The following TPX2 variants were observed in gnomAD, a reference collection of about 807,000 sequenced individuals.
TPX2 encodes TPX2 microtubule nucleation factor.
A neutral mutation model predicts 93.6 loss-of-function variants in TPX2; 21 were observed. The ratio of observed to expected loss-of-function variants is 0.22; its 90% CI spans 0.16 to 0.32. The LOEUF is 0.32. Ranked by LOEUF, TPX2 falls within the 10% of genes least tolerant of loss-of-function variation. TPX2 has a pLI of 1.00. For synonymous variants in TPX2, 281 were observed against 298.3 expected (o/e 0.94, Z 0.60); for missense variants, 776 against 871.1 (o/e 0.89, Z 1.37).
chr20:31,749,225 C>T (rs923711166), intron 2 of TPX2, among the ~76,000 whole-genome samples: 2 of 152,118 alleles, frequency 1.3e-5, no homozygotes, highest in Non-Finnish European at 1.5e-5. Context: ...GGATTACAGG[C>T]GTGAGCCACC....
chr20:31,792,570 G>T (rs1261295024), intron 12 of TPX2, among the ~76,000 whole-genome samples, 165 bp from the exon 13 acceptor site: 1 of 151,946 alleles, frequency 6.6e-6, no homozygotes, highest in Non-Finnish European at 1.5e-5. Flanking sequence ...CCAGCACTTT[G>T]CGAGGCCAAG....
rs2062144424 is a variant in TPX2 at position 31,797,272 on chromosome 20, T to C, written c.1834-132T>C. 7.9e-6 allele frequency: 6 copies of C among 764,324 alleles called. No homozygotes were observed. The East Asian group carries it at 1.6e-4, about 20-fold the overall frequency. 47.3% of individuals were successfully genotyped at this position (764,324 alleles called of 1,614,324 possible). The stretch of plus-strand genomic sequence containing the variant: ...TTCATTGTAAAGTTTGTGTGAAAGA[T>C]TTTTACTAGGGTTTATATTAAATCT... On this transcript the variant is annotated intron_variant, in intron 15 of 17. Coordinates refer to ENST00000300403, the MANE Select transcript of TPX2 (RefSeq NM_012112.5).
Position 31,739,487 on chromosome 20 carries a change from C to G in TPX2, c.-312C>G, listed in dbSNP as rs1328113209. On this transcript the variant is annotated 5_prime_UTR_variant, in exon 1 of 18. Transcript: ENST00000300403. ...TGGCTTCTGAGGCGGTTGCGGTGCTCGGTCGCCGCCTAGGCGGGGCAGGGT... is the reference window on the plus strand; with the variant it reads ...TGGCTTCTGAGGCGGTTGCGGTGCTGGGTCGCCGCCTAGGCGGGGCAGGGT... 2.0e-5 allele frequency: 3 copies of G among 152,248 alleles called. No individual in the cohort carries two copies. The highest frequency in any genetic ancestry group is 2.9e-5 in the Non-Finnish European group (2 of 68,078). 9.4% of individuals were successfully genotyped at this position (152,248 alleles called of 1,614,324 possible).
In TPX2 at chr20:31,783,730, G is replaced by T. The variant is rs762641961; in HGVS notation, c.1222G>T (p.Asp408Tyr). ...QQYKFKAREL[D>Y]PRILEGGPIL... ...ATACAAATTCAAAGCACGTGAACTT[G>T]ATCCCAGAATACTTGAAGGTGGGCC... The change falls in exon 12 of 18, where the codon GAT becomes TAT. Residue 408 changes from aspartate (D) to tyrosine (Y), a missense_variant. Coordinates refer to ENST00000300403, the MANE Select transcript of TPX2 (RefSeq NM_012112.5). The T allele has an allele frequency of 1.2e-6, 2 of 1,607,532 alleles. No individual in the cohort carries two copies. The highest frequency in any genetic ancestry group is 1.7e-6 in the Non-Finnish European group (2 of 1,178,618).
At chr20:31,746,075 A>G (rs908289856) in intron 2 of TPX2, among the ~76,000 whole-genome samples, 2 of 152,350 alleles carry the variant, frequency 1.3e-5, no homozygotes, top group African/African-American at 2.4e-5. Context: ...ACAAGTGTCC[A>G]TGTGTCCTGT....
At chr20:31,772,473 C>G (rs1165283799) in intron 7 of TPX2, among the ~76,000 whole-genome samples, 1 of 152,134 alleles carries the variant, frequency 6.6e-6, no homozygotes, top group East Asian at 1.9e-4. Flanking sequence ...GTGCTCAGAT[C>G]TTGAACAGTC....
chr20:31,750,073 G>A (rs2061809271), intron 2 of TPX2, among the ~76,000 whole-genome samples: 1 of 151,780 alleles, frequency 6.6e-6, no homozygotes, highest in Non-Finnish European at 1.5e-5. Context: ...GAGTAGCTGG[G>A]ACTACAGGCG....
chr20:31,770,251 T>C (rs2061956868), intron 5 of TPX2, 92 bp from the exon 6 acceptor site: 1 of 890,480 alleles, frequency 1.1e-6, no homozygotes, highest in African/African-American at 1.7e-5. Flanking sequence ...TATTGCCCTT[T>C]GTAGTTTGAC....
chr20:31,767,504 C>T (rs2061935463), intron 5 of TPX2, among the ~76,000 whole-genome samples: 1 of 152,050 alleles, frequency 6.6e-6, no homozygotes, highest in Non-Finnish European at 1.5e-5. Flanking sequence ...TCCCAAAGTG[C>T]TGAGACTATA....
At chr20:31,794,172 AAAT>A in intron 14 of TPX2, 148 bp downstream of exon 14, 1 of 1,092,332 alleles carries the variant, frequency 9.2e-7, no homozygotes, top group Non-Finnish European at 1.3e-6. Flanking sequence ...CAAGTAATTT[AAAT>A]AATCCTTCTG....
intron 17 of TPX2, among the ~76,000 whole-genome samples, chr20:31,798,877 A>G (rs1283935377): frequency 6.6e-6 from 1 of 152,246 alleles, no homozygotes; most frequent in Non-Finnish European, 1.5e-5. Flanking sequence ...GAATTTTTAG[A>G]CAGAATTTCT....
At chr20:31,789,155 C>A (rs2062085036) in intron 12 of TPX2, among the ~76,000 whole-genome samples, 1 of 152,148 alleles carries the variant, frequency 6.6e-6, no homozygotes. Context: ...CCATATTCTG[C>A]TGGGTTTCTT....
At chr20:31,767,685 G>T (rs1432724172) in intron 5 of TPX2, among the ~76,000 whole-genome samples, 3 of 151,952 alleles carry the variant, frequency 2.0e-5, no homozygotes, top group East Asian at 3.9e-4. Flanking sequence ...CTGCGTAGCT[G>T]GGACTACAGG....
rs565138797 is a variant in TPX2, at chr20:31,794,917, T to C, written c.1833+369T>C. ...CTCACTGCAAGCTCCGCCTCCTGGG[T>C]TCACGCCAGTCTCCTGCCTCAGCCT... On this transcript the variant is annotated intron_variant, in intron 15 of 17. Transcript: ENST00000300403. Among the ~76,000 whole-genome samples the C allele has an allele frequency of 2.9e-3, 434 of 151,348 alleles. 1 individual carries two copies. The highest frequency in any genetic ancestry group is 4.3e-3 in the Non-Finnish European group (293 of 67,824).
intron 3 of TPX2, 93 bp from the exon 4 acceptor site, chr20:31,759,964 T>C (rs2061878338): frequency 1.3e-6 from 2 of 1,535,048 alleles, no homozygotes; most frequent in Non-Finnish European, 8.8e-7. Flanking sequence ...GGAAGTGTAC[T>C]GGTAGGGAGC....
intron 9 of TPX2, among the ~76,000 whole-genome samples, chr20:31,778,270 A>T (rs940986999): frequency 6.6e-6 from 1 of 152,172 alleles, no homozygotes; most frequent in East Asian, 1.9e-4. Flanking sequence ...CCCTGAGGTT[A>T]TGCTTCTTTC....
At chr20:31,777,213 A>G (rs1220958253) in intron 8 of TPX2, among the ~76,000 whole-genome samples, 1 of 152,214 alleles carries the variant, frequency 6.6e-6, no homozygotes, top group African/African-American at 2.4e-5. Flanking sequence ...CTCCATAGCT[A>G]TGACCACACC....
At chr20:31,741,839 T>C (rs545862739) in intron 1 of TPX2, among the ~76,000 whole-genome samples, 11 of 152,214 alleles carry the variant, frequency 7.2e-5, no homozygotes, top group Admixed American at 7.2e-4. Context: ...AGTCTCAAAC[T>C]CCTTATCTCA....
chr20:31,754,530 T>C (rs780317086), intron 2 of TPX2, among the ~76,000 whole-genome samples: 23 of 152,196 alleles, frequency 1.5e-4, no homozygotes, highest in Non-Finnish European at 3.2e-4. Flanking sequence ...AAATGAGTGC[T>C]GCAGTGCCCA....
Sources: allele counts gnomAD v4.1 joint callset (sites outside exome capture counted in the v4.1 genomes callset), GRCh38; gene constraint gnomAD v4.1.1; transcripts MANE v1.5; gene names NCBI Gene and HGNC (gene_info 2026-07-23, HGNC 2026-07-21).